Variants in RGS6 observed in about 807,000 individuals in gnomAD.
The protein encoded by RGS6 is regulator of G-protein signaling 6.
RGS6 carries 30 observed loss-of-function variants against 78.5 expected under a neutral mutation model. That is an observed-to-expected ratio of 0.38 (90% CI 0.29 to 0.52). The LOEUF (loss-of-function observed/expected upper bound fraction) is 0.52. Among genes scored for constraint, RGS6 ranks in the 20% least tolerant of loss-of-function variants. The pLI is 0.85. For missense variants in RGS6, 495 were observed against 609.7 expected, an observed-to-expected ratio of 0.81 and a Z score of 1.98; for synonymous variants, 206 against 206.0, an observed-to-expected ratio of 1.00 and a Z score of 0.00.
intron 15 of RGS6, among the ~76,000 whole-genome samples, chr14:72,526,428 C>T (rs1276893474): frequency 1.3e-5 from 2 of 152,172 alleles, no homozygotes; most frequent in Middle Eastern, 3.2e-3. Flanking sequence ...TCTAAGTTAA[C>T]ATCCCTGGTA....
At chr14:72,034,664 G>A (rs1827357374) in intron 2 of RGS6, among the ~76,000 whole-genome samples, 1 of 152,084 alleles carries the variant, frequency 6.6e-6, no homozygotes, top group African/African-American at 2.4e-5. Flanking sequence ...TCAGAGTAAT[G>A]CTGGCCTCAA....
At chr14:72,218,137 C>T (rs989550293) in intron 2 of RGS6, among the ~76,000 whole-genome samples, 4 of 152,126 alleles carry the variant, frequency 2.6e-5, no homozygotes, top group Non-Finnish European at 5.9e-5. Flanking sequence ...TCTATTGTTG[C>T]TGCATGTGTT....
intron 1 of RGS6, among the ~76,000 whole-genome samples, chr14:71,961,039 A>T (rs897149313): frequency 6.6e-6 from 1 of 152,196 alleles, no homozygotes; most frequent in Non-Finnish European, 1.5e-5. Context: ...TGCTCAGTAT[A>T]TTTGCTCAAA....
intron 2 of RGS6, among the ~76,000 whole-genome samples, chr14:72,105,997 G>A (rs144126314): frequency 5.6e-4 from 86 of 152,254 alleles, no homozygotes; most frequent in Non-Finnish European, 8.7e-4. Context: ...CATTCCAACT[G>A]TTCTTTTGGA....
intron 2 of RGS6, among the ~76,000 whole-genome samples, chr14:72,149,934 G>T (rs1414236394): frequency 4.6e-5 from 7 of 152,104 alleles, no homozygotes; most frequent in South Asian, 2.1e-4. Flanking sequence ...TAAGAATCTT[G>T]GTCTTTTTGA....
intron 2 of RGS6, among the ~76,000 whole-genome samples, chr14:72,161,004 A>G (rs575882756): frequency 3.9e-5 from 6 of 152,374 alleles, no homozygotes; most frequent in East Asian, 3.9e-4. Flanking sequence ...ATGCACATCA[A>G]TGATAGACTG....
intron 14 of RGS6, among the ~76,000 whole-genome samples, chr14:72,517,135 T>TA (rs34414996): frequency 0.019 from 2,652 of 142,360 alleles, 63 homozygotes; most frequent in African/African-American, 0.063. Flanking sequence ...TGTTTAACCC[T>TA]AAAAAAAAAA....
chr14:72,164,133 C>G lies in RGS6; in HGVS notation c.85-187962C>G, dbSNP rs191231161. 2.8e-3 allele frequency among the ~76,000 whole-genome samples: 421 copies of G among 152,202 alleles called. 1 individual carries two copies. The highest frequency in any genetic ancestry group is 9.9e-3 in the African/African-American group (409 of 41,520). On this transcript the variant is annotated intron_variant, in intron 2 of 17. Coordinates refer to ENST00000553525, the MANE Select transcript of RGS6 (RefSeq NM_001204424.2). ...TTTAACCTGCCCTCTACCAGTCTGC[C>G]GTGCCTCACCCACTTGTCTACAGCT...
intron 2 of RGS6, among the ~76,000 whole-genome samples, chr14:72,224,848 C>T (rs2047732845): frequency 6.6e-6 from 1 of 152,042 alleles, no homozygotes; most frequent in Non-Finnish European, 1.5e-5. Flanking sequence ...TCAAGTAGCT[C>T]CACCTATGAC....
the RGS6 span, among the ~76,000 whole-genome samples, chr14:71,922,367 C>T: frequency 6.6e-6 from 1 of 152,200 alleles, no homozygotes; most frequent in African/African-American, 2.4e-5. Context: ...ATTACCACAA[C>T]AGCCACAATC....
At chr14:72,036,263 C>CTGTTTTGTTTTGTTTTGTTT (rs200837014) in intron 2 of RGS6, among the ~76,000 whole-genome samples, 1 of 143,432 alleles carries the variant, frequency 7.0e-6, no homozygotes, top group Non-Finnish European at 1.5e-5. Flanking sequence ...TGAACATAAC[C>CTGTTTTGTTTTGTTTTGTTT]CGTTTTGTTT....
At chr14:72,500,520 T>C (rs900757811) in intron 13 of RGS6, among the ~76,000 whole-genome samples, 9 of 152,264 alleles carry the variant, frequency 5.9e-5, no homozygotes, top group African/African-American at 2.2e-4. Flanking sequence ...ATTTGTATAG[T>C]AGTCAACTAT....
chr14:72,474,822 T>C, intron 10 of RGS6, 123 bp downstream of exon 10: 2 of 809,850 alleles, frequency 2.5e-6, no homozygotes, highest in Non-Finnish European at 3.9e-6. Flanking sequence ...ACCATAACCA[T>C]TTCACAAATA....
intron 2 of RGS6, among the ~76,000 whole-genome samples, chr14:72,208,035 A>C (rs2043111113): frequency 1.3e-5 from 2 of 152,164 alleles, no homozygotes; most frequent in South Asian, 4.1e-4. Flanking sequence ...CAGTCCACCT[A>C]GTTTGGTTGA....
At chr14:71,933,771 A>G (rs940146802) in intron 1 of RGS6, among the ~76,000 whole-genome samples, 14 of 152,132 alleles carry the variant, frequency 9.2e-5, no homozygotes, top group African/African-American at 3.4e-4. Context: ...GTGAGTTCTG[A>G]TCAATACCTT....
chr14:71,894,970 G>A, the RGS6 span, among the ~76,000 whole-genome samples: 1 of 151,868 alleles, frequency 6.6e-6, no homozygotes, highest in South Asian at 2.1e-4. Context: ...CTCCATGTTG[G>A]TCAGGCTGGT....
intron 2 of RGS6, among the ~76,000 whole-genome samples, chr14:72,062,186 C>T (rs1275297810): frequency 6.6e-6 from 1 of 152,232 alleles, no homozygotes; most frequent in Admixed American, 6.5e-5. Context: ...AGCCATGTGA[C>T]TGCCCTGAGG....
intron 11 of RGS6, 66 bp from the exon 12 acceptor site, chr14:72,478,202 T>C (rs927874398): frequency 1.5e-5 from 18 of 1,202,596 alleles, no homozygotes; most frequent in Non-Finnish European, 2.2e-5. Flanking sequence ...GGATTTGGGT[T>C]TGTGGAGCGA....
At chr14:72,345,617 A>G (rs755376734) in intron 2 of RGS6, among the ~76,000 whole-genome samples, 57 of 152,284 alleles carry the variant, frequency 3.7e-4, no homozygotes, top group Non-Finnish European at 2.9e-4. Context: ...ACCCATGCTT[A>G]TCTTAGCTTC....
Sources: allele counts gnomAD v4.1 joint callset (sites outside exome capture counted in the v4.1 genomes callset), GRCh38; gene constraint gnomAD v4.1.1; transcripts MANE v1.5; gene names NCBI Gene and HGNC (gene_info 2026-07-23, HGNC 2026-07-21).